The following SOX6 variants were observed in gnomAD, a reference collection of about 807,000 sequenced individuals.
SOX6 encodes transcription factor SOX-6.
In SOX6, 11 loss-of-function variants were observed where a neutral mutation model predicts 97.8. The ratio of observed to expected loss-of-function variants is 0.11; its 90% CI spans 0.07 to 0.19. The LOEUF (loss-of-function observed/expected upper bound fraction) is 0.19, where lower values mean the gene tolerates loss of function less well. SOX6 is among the 10% of genes least tolerant of loss of function. The pLI, the probability that SOX6 is intolerant of heterozygous loss-of-function variation, is 1.00. For missense variants in SOX6, 810 were observed against 1,039.5 expected, an observed-to-expected ratio of 0.78 and a Z score of 3.04; for synonymous variants, 360 against 371.4, an observed-to-expected ratio of 0.97 and a Z score of 0.35.
chr11:16,263,789 T>C (rs1225880075), intron 3 of SOX6, among the ~76,000 whole-genome samples: 1 of 151,756 alleles, frequency 6.6e-6, no homozygotes, highest in African/African-American at 2.4e-5. Flanking sequence ...ATTGCAAAAA[T>C]AGTACAGAGA....
At chr11:16,237,313 T>G (rs961863839) in intron 3 of SOX6, among the ~76,000 whole-genome samples, 1 of 152,056 alleles carries the variant, frequency 6.6e-6, no homozygotes, top group Non-Finnish European at 1.5e-5. Flanking sequence ...AAGCACTCTA[T>G]AAGCAGAAGA....
intron 3 of SOX6, among the ~76,000 whole-genome samples, chr11:16,288,626 T>C (rs1249237171): frequency 6.6e-6 from 1 of 152,028 alleles, no homozygotes; most frequent in East Asian, 1.9e-4. Flanking sequence ...TTCTAACATT[T>C]ATGGGGACAT....
chr11:16,308,573 T>C (rs1220223989), intron 3 of SOX6, among the ~76,000 whole-genome samples: 1 of 152,180 alleles, frequency 6.6e-6, no homozygotes, highest in Non-Finnish European at 1.5e-5. Context: ...GTCGACTGTT[T>C]GGCCAGAAAA....
Position 16,585,666 on chromosome 11 carries a change from A to AT in SOX6, n.609+26414dup, listed in dbSNP as rs1224940642. On this transcript the variant is annotated intron_variant and non_coding_transcript_variant, in intron 4 of 5. Coordinates refer to the SOX6 transcript ENST00000524520. ...GGAGTCAACAAAGACTCAACGGAGA[A>AT]TTTTTTTTTTTTTACTTTTTTTTTT... 3.3e-4 allele frequency among the ~76,000 whole-genome samples: 44 copies of AT among 132,488 alleles called. No individual in the cohort carries two copies. In the Middle Eastern group the frequency reaches 0.011, roughly 34 times the overall value. The allele number at this position is 132,488 out of a possible 152,430, so 86.9% of individuals were successfully genotyped here.
chr11:16,608,190 C>A (rs1848357762), intron 4 of SOX6, among the ~76,000 whole-genome samples: 7 of 151,148 alleles, frequency 4.6e-5, no homozygotes, highest in Admixed American at 3.3e-4. Flanking sequence ...CAAACTGTAG[C>A]GTGGAAAAGG....
At chr11:16,459,848 T>A (rs1178056373) in intron 1 of SOX6, among the ~76,000 whole-genome samples, 1 of 151,960 alleles carries the variant, frequency 6.6e-6, no homozygotes, top group Non-Finnish European at 1.5e-5. Context: ...GTAGGACAAC[T>A]TGAAGCTGCA....
chr11:16,250,954 G>C (rs867734358), intron 3 of SOX6, among the ~76,000 whole-genome samples: 4 of 152,060 alleles, frequency 2.6e-5, no homozygotes, highest in African/African-American at 7.2e-5. Flanking sequence ...TAAAACCATA[G>C]AGTGTATGGC....
At chr11:16,421,608 G>C (rs1451612922) in intron 1 of SOX6, among the ~76,000 whole-genome samples, 1 of 152,164 alleles carries the variant, frequency 6.6e-6, no homozygotes, top group East Asian at 1.9e-4. Context: ...TAATGATGAA[G>C]AGAATTCAAT....
At chr11:16,589,057 C>T (rs1487297328) in intron 4 of SOX6, among the ~76,000 whole-genome samples, 1 of 152,106 alleles carries the variant, frequency 6.6e-6, no homozygotes, top group Non-Finnish European at 1.5e-5. Context: ...TACCATACTA[C>T]TGCTTCCTGA....
At chr11:16,256,646 A>G (rs916602716) in intron 3 of SOX6, among the ~76,000 whole-genome samples, 51 of 151,976 alleles carry the variant, frequency 3.4e-4, no homozygotes, top group Non-Finnish European at 7.1e-4. Context: ...ATTAGAAACA[A>G]GGGGAGGATG....
At chr11:16,478,334 G>C (rs1186214605), upstream of SOX6, among the ~76,000 whole-genome samples, 4 of 152,124 alleles carry the variant, frequency 2.6e-5, no homozygotes, top group Non-Finnish European at 5.9e-5. Flanking sequence ...GGAGCTAAAA[G>C]AAAATGTGAC....
chr11:16,575,245 A>G (rs1044308178), intron 4 of SOX6, among the ~76,000 whole-genome samples: 20 of 152,342 alleles, frequency 1.3e-4, no homozygotes, highest in African/African-American at 4.6e-4. Flanking sequence ...GTCTGACAAC[A>G]TCAATTGTTA....
intron 3 of SOX6, among the ~76,000 whole-genome samples, chr11:16,283,506 T>A (rs1283771029): frequency 6.6e-6 from 1 of 151,686 alleles, no homozygotes; most frequent in African/African-American, 2.4e-5. Flanking sequence ...AGAAAATAAT[T>A]TTCTTTAAAC....
intron 9 of SOX6, among the ~76,000 whole-genome samples, chr11:16,075,085 T>A (rs1848320984): frequency 6.6e-6 from 1 of 152,118 alleles, no homozygotes; most frequent in Non-Finnish European, 1.5e-5. Flanking sequence ...GTCACACACC[T>A]ACTATCATCT....
chr11:16,721,509 T>C (rs919209645), intron 2 of SOX6, among the ~76,000 whole-genome samples: 20 of 19,426 alleles, frequency 1.0e-3, no homozygotes, highest in African/African-American at 3.8e-3. Flanking sequence ...TGTCTCTCTC[T>C]CTCTCTCTCT....
intron 4 of SOX6, among the ~76,000 whole-genome samples, chr11:16,207,429 C>G (rs1368905439): frequency 6.6e-6 from 1 of 151,556 alleles, no homozygotes; most frequent in African/African-American, 2.4e-5. Flanking sequence ...GGTGAAACCC[C>G]ATCAAAATAC....
rs138510863 is a variant in SOX6 at position 16,352,124 on chromosome 11, C to T, written c.-5+3970G>A. On this transcript the variant is annotated intron_variant, in intron 1 of 15. Transcript: ENST00000683767. ...GTCTCCTCTTTGCACACACTCTGGA[C>T]AATAAATTCACCTCATATTTTAAAA... is the stretch of plus-strand genomic sequence containing the variant. Among the ~76,000 whole-genome samples the T allele has an allele frequency of 9.3e-3, 1,421 of 152,106 alleles. 13 individuals are homozygous for T. The highest frequency in any genetic ancestry group is 0.013 in the Non-Finnish European group (856 of 67,974).
In SOX6 at chr11:16,052,987, G is replaced by C. The variant is rs560457512; in HGVS notation, c.1251+2765C>G. Among the ~76,000 whole-genome samples the C allele has an allele frequency of 8.5e-5, 13 of 152,224 alleles. No individual in the cohort carries two copies. In the South Asian group the frequency reaches 2.5e-3, roughly 29 times the overall value. On this transcript the variant is annotated intron_variant, in intron 10 of 15. Coordinates refer to ENST00000683767, the MANE Select transcript of SOX6 (RefSeq NM_001367873.1). ...GTTTCTCACATGCATGTGCTGATCAGTACTCAGCTAAATGCTCAGGGGCAG... is the reference window on the plus strand; with the variant it reads ...GTTTCTCACATGCATGTGCTGATCACTACTCAGCTAAATGCTCAGGGGCAG...
At chr11:16,630,621 A>T (rs1279183305) in intron 3 of SOX6, among the ~76,000 whole-genome samples, 2 of 152,034 alleles carry the variant, frequency 1.3e-5, no homozygotes, top group East Asian at 3.9e-4. Context: ...GTCAAGTGAC[A>T]AGTTTAAGTC....
Sources: allele counts gnomAD v4.1 joint callset (sites outside exome capture counted in the v4.1 genomes callset), GRCh38; gene constraint gnomAD v4.1.1; transcripts MANE v1.5; gene names NCBI Gene and HGNC (gene_info 2026-07-23, HGNC 2026-07-21).